ZMAT4: variants seen among roughly 807,000 people sequenced by gnomAD.
The protein encoded by ZMAT4 is zinc finger matrin-type protein 4.
Under a neutral mutation model 28.7 loss-of-function variants are expected in ZMAT4, and 17 were observed. The observed-to-expected ratio is 0.59, with a 90% CI of 0.41 to 0.89. ZMAT4 has a LOEUF of 0.89. Among genes scored for constraint, ZMAT4 ranks in the 40% least tolerant of loss-of-function variants. ZMAT4 has a pLI of 0.00. For missense variants in ZMAT4, 240 were observed against 283.8 expected, an observed-to-expected ratio of 0.85 and a Z score of 1.11; for synonymous variants, 117 against 109.2, an observed-to-expected ratio of 1.07 and a Z score of -0.44.
intron 2 of ZMAT4, among the ~76,000 whole-genome samples, chr8:40,813,891 G>T (rs999788220): frequency 6.6e-6 from 1 of 152,170 alleles, no homozygotes; most frequent in Non-Finnish European, 1.5e-5. Context: ...AAACAGTTTT[G>T]TTCTCTTTTT....
chr8:40,560,053 C>T (rs1038727202), intron 6 of ZMAT4, among the ~76,000 whole-genome samples: 16 of 152,036 alleles, frequency 1.1e-4, no homozygotes, highest in Non-Finnish European at 1.8e-4. Context: ...TTCCACTCTC[C>T]CACTAATTCC....
At chr8:40,887,040 G>T (rs371376006) in intron 1 of ZMAT4, among the ~76,000 whole-genome samples, 1 of 151,854 alleles carries the variant, frequency 6.6e-6, no homozygotes, top group Admixed American at 6.6e-5. Flanking sequence ...GCGTGGTGGC[G>T]GGCGCCTGTA....
chr8:40,611,015 G>A (rs540083475), intron 5 of ZMAT4, among the ~76,000 whole-genome samples: 2 of 151,938 alleles, frequency 1.3e-5, no homozygotes, highest in African/African-American at 4.8e-5. Context: ...GACCCGAGTG[G>A]CATCTGCGAG....
chr8:40,859,586 AAGGACAGAAGCTCCAGGTAAG>A (rs1563532208), intron 1 of ZMAT4, among the ~76,000 whole-genome samples: 1 of 152,142 alleles, frequency 6.6e-6, no homozygotes, highest in Non-Finnish European at 1.5e-5. Context: ...AACCCCAATT[AAGGACAGAAGCTCCAGGTAAG>A]AGGCAGTTTC....
chr8:40,809,553 A>G (rs1815237201), intron 2 of ZMAT4, among the ~76,000 whole-genome samples: 1 of 152,244 alleles, frequency 6.6e-6, no homozygotes, highest in African/African-American at 2.4e-5. Context: ...TAGTTAAAAG[A>G]CTAATGATTA....
At chr8:40,635,236 G>A (rs1014460555) in intron 5 of ZMAT4, among the ~76,000 whole-genome samples, 4 of 152,300 alleles carry the variant, frequency 2.6e-5, no homozygotes, top group South Asian at 4.1e-4. Flanking sequence ...AGATGGCTTA[G>A]GGAATGATTT....
intron 5 of ZMAT4, among the ~76,000 whole-genome samples, chr8:40,662,743 C>A (rs1808254438): frequency 6.6e-6 from 1 of 152,136 alleles, no homozygotes; most frequent in Non-Finnish European, 1.5e-5. Flanking sequence ...ACTCATGTTA[C>A]TCATTACATT....
At chr8:40,548,717 G>C (rs1348837208) in intron 6 of ZMAT4, among the ~76,000 whole-genome samples, 1 of 151,650 alleles carries the variant, frequency 6.6e-6, no homozygotes, top group East Asian at 1.9e-4. Flanking sequence ...CAGTAATAGA[G>C]TCTTAAAACA....
chr8:40,545,811 TA>T (rs1404308038), intron 6 of ZMAT4, among the ~76,000 whole-genome samples: 1 of 152,074 alleles, frequency 6.6e-6, no homozygotes, highest in Non-Finnish European at 1.5e-5. Flanking sequence ...GGTACTTTGT[TA>T]TGGCAGCCCT....
At chr8:40,760,709 T>TCTCTCC (rs1812896717) in intron 3 of ZMAT4, among the ~76,000 whole-genome samples, 2 of 148,248 alleles carry the variant, frequency 1.3e-5, no homozygotes, top group Admixed American at 1.3e-4. Flanking sequence ...TGTCACAGTC[T>TCTCTCC]CTCTCTCTCT....
intron 1 of ZMAT4, among the ~76,000 whole-genome samples, 180 bp downstream of exon 1, chr8:40,897,503 C>T (rs1433753930): frequency 6.6e-6 from 1 of 152,176 alleles, no homozygotes; most frequent in African/African-American, 2.4e-5. Flanking sequence ...TTCTTGCCAG[C>T]GCAGAAGTTT....
chr8:40,670,493 C>T (rs1808620160), intron 5 of ZMAT4, among the ~76,000 whole-genome samples: 2 of 151,832 alleles, frequency 1.3e-5, no homozygotes, highest in African/African-American at 4.8e-5. Context: ...AGGTAAGACA[C>T]AAAAAGCAAT....
At chr8:40,559,077 C>G (rs546262137) in intron 6 of ZMAT4, among the ~76,000 whole-genome samples, 2 of 152,318 alleles carry the variant, frequency 1.3e-5, no homozygotes, top group South Asian at 4.1e-4. Flanking sequence ...CAAGCACTGG[C>G]TTTGAGACAA....
intron 1 of ZMAT4, among the ~76,000 whole-genome samples, chr8:40,878,138 C>T (rs1277872213): frequency 6.6e-6 from 1 of 152,140 alleles, no homozygotes; most frequent in African/African-American, 2.4e-5. Context: ...ATAGCGGCTC[C>T]TCAGCAAAGG....
intron 1 of ZMAT4, among the ~76,000 whole-genome samples, chr8:40,870,450 C>A (rs1429714622): frequency 1.3e-5 from 2 of 152,196 alleles, no homozygotes; most frequent in African/African-American, 4.8e-5. Flanking sequence ...AACTAAAGAA[C>A]CTGGGAGGGC....
chr8:40,885,444 C>T lies in ZMAT4; in HGVS notation c.-5+12239G>A, dbSNP rs549355766. Among the ~76,000 whole-genome samples, 23 of 152,354 alleles carry T rather than the reference C, an allele frequency of 1.5e-4. 1 individual carries two copies. The South Asian group carries it at 4.8e-3, about 32-fold the overall frequency. On this transcript the variant is annotated intron_variant, in intron 1 of 6. Coordinates refer to ENST00000297737, the MANE Select transcript of ZMAT4 (RefSeq NM_024645.3). ...AGGACCAGTGCCTCCGAGGGCGCCT[C>T]TGCCTCCACAGAGCCCCACTCCACT...
At chr8:40,778,507 C>T (rs1468154167) in intron 2 of ZMAT4, among the ~76,000 whole-genome samples, 1 of 152,162 alleles carries the variant, frequency 6.6e-6, no homozygotes, top group Non-Finnish European at 1.5e-5. Context: ...CTGGGGCCAG[C>T]TATAATACTG....
intron 1 of ZMAT4, among the ~76,000 whole-genome samples, chr8:40,846,725 G>A (rs1036239720): frequency 5.9e-5 from 9 of 152,204 alleles, no homozygotes; most frequent in Non-Finnish European, 1.3e-4. Context: ...TGGCAGGGCA[G>A]ACCCGCACAG....
At chr8:40,812,935 A>AAAATAAAATTAAATTAAATT (rs1254447514) in intron 2 of ZMAT4, among the ~76,000 whole-genome samples, 74 of 78,042 alleles carry the variant, frequency 9.5e-4, no homozygotes, top group African/African-American at 2.9e-3. Context: ...CTCCATCTCA[A>AAAATAAAATTAAATTAAATT]AAATTAAATT....
Sources: allele counts gnomAD v4.1 joint callset (sites outside exome capture counted in the v4.1 genomes callset), GRCh38; gene constraint gnomAD v4.1.1; transcripts MANE v1.5; gene names NCBI Gene and HGNC (gene_info 2026-07-23, HGNC 2026-07-21).